The following PCDH15 variants were observed in gnomAD, a reference collection of about 807,000 sequenced individuals.
The protein encoded by PCDH15 is protocadherin-15.
PCDH15 carries 129 observed loss-of-function variants against 178.5 expected under a neutral mutation model. The ratio of observed to expected loss-of-function variants is 0.72; its 90% confidence interval spans 0.63 to 0.84. PCDH15 has a LOEUF of 0.84. Among genes scored for constraint, PCDH15 ranks in the 40% least tolerant of loss-of-function variants. The pLI is 0.00. For synonymous variants in PCDH15, 800 were observed against 732.0 expected (o/e 1.09, Z -1.50); for missense variants, 2,230 against 2,099.9 (o/e 1.06, Z -1.21).
At chr10:55,597,309 C>G (rs975681012) in intron 2 of PCDH15, 3 of 152,108 alleles carry the variant, frequency 2.0e-5, no homozygotes, top group African/African-American at 7.2e-5. Flanking sequence ...GATACGTTCA[C>G]GCATAATTTA....
chr10:54,611,444 C>T (rs2092957955), intron 2 of PCDH15, among the ~76,000 whole-genome samples: 1 of 151,660 alleles, frequency 6.6e-6, no homozygotes, highest in Admixed American at 6.6e-5. Context: ...ATAAATATTC[C>T]CACTATAAGC....
At chr10:54,689,847 T>C (rs2095084260) in intron 1 of PCDH15, among the ~76,000 whole-genome samples, 1 of 152,156 alleles carries the variant, frequency 6.6e-6, no homozygotes, top group Non-Finnish European at 1.5e-5. Flanking sequence ...GGAGAAAATG[T>C]AAATAATTCT....
intron 3 of PCDH15, among the ~76,000 whole-genome samples, chr10:54,481,260 C>G (rs149008887): frequency 1.3e-5 from 2 of 151,630 alleles, no homozygotes; most frequent in Admixed American, 6.6e-5. Context: ...ACAAAATTTT[C>G]TCTAATATAT....
intron 2 of PCDH15, among the ~76,000 whole-genome samples, chr10:54,923,724 A>G (rs1206969140): frequency 7.3e-6 from 1 of 137,898 alleles, no homozygotes. Flanking sequence ...GTGACCTTTA[A>G]CCAGTTCCTA....
intron 17 of PCDH15, among the ~76,000 whole-genome samples, chr10:54,071,275 T>A (rs182581519): frequency 5.1e-4 from 78 of 152,238 alleles, no homozygotes; most frequent in Admixed American, 1.2e-3. Flanking sequence ...TTAGCATATG[T>A]TTAGCTATGT....
intron 21 of PCDH15, 112 bp downstream of exon 21, chr10:53,995,537 A>C: frequency 6.3e-7 from 1 of 1,591,074 alleles, no homozygotes; most frequent in Non-Finnish European, 8.6e-7. Flanking sequence ...GTATGAATAA[A>C]TAGGGTGAAA....
chr10:54,684,639 A>C (rs2094960764), intron 1 of PCDH15, among the ~76,000 whole-genome samples: 1 of 152,114 alleles, frequency 6.6e-6, no homozygotes, highest in African/African-American at 2.4e-5. Flanking sequence ...AAATGTTTTA[A>C]ATTTCATTTG....
At chr10:55,240,153 A>G (rs1341917647) in intron 1 of PCDH15, among the ~76,000 whole-genome samples, 1 of 152,190 alleles carries the variant, frequency 6.6e-6, no homozygotes, top group Non-Finnish European at 1.5e-5. Flanking sequence ...GAACTACCAT[A>G]TGATCCAGAA....
chr10:54,987,095 T>A (rs1280964842), intron 2 of PCDH15, among the ~76,000 whole-genome samples: 1 of 152,078 alleles, frequency 6.6e-6, no homozygotes, highest in East Asian at 1.9e-4. Context: ...AACTCCTACT[T>A]ATGAGTGAGA....
intron 3 of PCDH15, among the ~76,000 whole-genome samples, chr10:54,870,620 C>A (rs149199463): frequency 0.022 from 3,338 of 151,720 alleles, 137 homozygotes; most frequent in African/African-American, 0.075. Flanking sequence ...CCCGTCTCTA[C>A]TAAAAATACA....
At chr10:54,878,466 A>T (rs1009402822) in intron 3 of PCDH15, among the ~76,000 whole-genome samples, 1 of 152,086 alleles carries the variant, frequency 6.6e-6, no homozygotes, top group Admixed American at 6.6e-5. Flanking sequence ...ACTGTCCTCC[A>T]TTTCTATTTA....
In PCDH15 at chr10:54,203,443, T is replaced by A. The variant is rs2133999784; in HGVS notation, c.1099-7554A>T. Among the ~76,000 whole-genome samples the A allele has an allele frequency of 1.3e-5, 2 of 152,250 alleles. 1 individual carries two copies. The highest frequency in any genetic ancestry group is 4.1e-4 in the South Asian group (2 of 4,828). ...TGGGTGTAAGCCACCACTTTTACTT[T>A]ATCATTTTTAAATAAAGGAACCTCA... is the stretch of plus-strand genomic sequence containing the variant. On this transcript the variant is annotated intron_variant, in intron 10 of 37. Coordinates refer to ENST00000644397, the MANE Select transcript of PCDH15 (RefSeq NM_001384140.1).
At chr10:55,317,719 GA>G (rs201320789) in intron 1 of PCDH15, among the ~76,000 whole-genome samples, 1,840 of 138,986 alleles carry the variant, frequency 0.013, 24 homozygotes, top group African/African-American at 0.04. Flanking sequence ...GCTTAAAACA[GA>G]AAAAAAAAAA....
intron 2 of PCDH15, among the ~76,000 whole-genome samples, chr10:55,472,914 T>G (rs915763600): frequency 1.3e-5 from 2 of 152,200 alleles, no homozygotes; most frequent in African/African-American, 4.8e-5. Context: ...TTTATTGTTC[T>G]GTGATGGATA....
At chr10:54,343,161 T>C (rs1056405097) in intron 6 of PCDH15, among the ~76,000 whole-genome samples, 2 of 152,180 alleles carry the variant, frequency 1.3e-5, no homozygotes, top group Non-Finnish European at 2.9e-5. Flanking sequence ...GTTGGAATTA[T>C]ATGGTTTGTC....
chr10:55,112,084 C>T (rs1837523125), intron 2 of PCDH15, among the ~76,000 whole-genome samples: 1 of 152,064 alleles, frequency 6.6e-6, no homozygotes, highest in Non-Finnish European at 1.5e-5. Context: ...CTGAGATTTA[C>T]TGTGTTATTA....
intron 2 of PCDH15, among the ~76,000 whole-genome samples, chr10:54,535,714 A>AAG (rs1460905838): frequency 6.7e-6 from 1 of 149,728 alleles, no homozygotes; most frequent in African/African-American, 2.4e-5. Flanking sequence ...CACCTCAAAA[A>AAG]AAAAAAAAAA....
At chr10:54,473,733 TTTA>T in intron 3 of PCDH15, among the ~76,000 whole-genome samples, 1 of 152,048 alleles carries the variant, frequency 6.6e-6, no homozygotes, top group African/African-American at 2.4e-5. Flanking sequence ...AGGTTATTAT[TTTA>T]TTATCTTCAA....
chr10:53,873,471 A>G (rs1444480861), intron 26 of PCDH15, among the ~76,000 whole-genome samples: 1 of 152,156 alleles, frequency 6.6e-6, no homozygotes, highest in African/African-American at 2.4e-5. Flanking sequence ...TTCCATTATT[A>G]TTTTATAGGC....
Sources: allele counts gnomAD v4.1 joint callset (sites outside exome capture counted in the v4.1 genomes callset), GRCh38; gene constraint gnomAD v4.1.1; transcripts MANE v1.5; gene names NCBI Gene and HGNC (gene_info 2026-07-23, HGNC 2026-07-21).